ARHGAP24: variants seen among roughly 807,000 people sequenced by gnomAD.
The protein encoded by ARHGAP24 is rho GTPase-activating protein 24.
Under a neutral mutation model 76.4 loss-of-function variants are expected in ARHGAP24, and 50 were observed. The ratio of observed to expected loss-of-function variants is 0.65; its 90% CI spans 0.52 to 0.83. ARHGAP24 has a LOEUF of 0.83. ARHGAP24 is among the 40% of genes least tolerant of loss of function. ARHGAP24 has a pLI of 0.00. For synonymous variants in ARHGAP24, 345 were observed against 323.3 expected, an observed-to-expected ratio of 1.07 and a Z score of -0.72; for missense variants, 930 against 914.2, an observed-to-expected ratio of 1.02 and a Z score of -0.22.
intron 1 of ARHGAP24, among the ~76,000 whole-genome samples, chr4:85,551,534 A>G (rs1477133309): frequency 2.0e-5 from 3 of 152,188 alleles, no homozygotes; most frequent in African/African-American, 7.2e-5. Flanking sequence ...TGGTATCAGA[A>G]TGATGCTGGC....
intron 3 of ARHGAP24, among the ~76,000 whole-genome samples, chr4:85,884,737 A>T (rs1307059831): frequency 6.6e-6 from 1 of 152,004 alleles, no homozygotes; most frequent in East Asian, 1.9e-4. Flanking sequence ...AAATTCATTG[A>T]TTTTTTTTCT....
At chr4:85,728,496 A>T (rs1340108103) in intron 3 of ARHGAP24, among the ~76,000 whole-genome samples, 2 of 152,294 alleles carry the variant, frequency 1.3e-5, no homozygotes, top group African/African-American at 4.8e-5. Flanking sequence ...ATTATCTGTT[A>T]TACCAATCAG....
At chr4:85,516,176 T>A (rs982258777) in intron 1 of ARHGAP24, among the ~76,000 whole-genome samples, 1 of 152,184 alleles carries the variant, frequency 6.6e-6, no homozygotes, top group African/African-American at 2.4e-5. Context: ...CCAGTCTAAG[T>A]GAGTGTGGGT....
chr4:85,995,212 G>A lies in ARHGAP24; in HGVS notation c.1558G>A (p.Ala520Thr). 1.9e-6 allele frequency: 3 copies of A among 1,613,852 alleles called. No individual in the cohort carries two copies. The East Asian group carries it at 6.7e-5, about 36-fold the overall frequency. The change falls in exon 9 of 10, where the codon GCT (alanine) becomes ACT (threonine). Residue 520 changes from alanine to threonine, a missense_variant. Ala to Thr is a moderately conservative substitution (Grantham distance 58). Coordinates refer to ENST00000395184, the MANE Select transcript of ARHGAP24 (RefSeq NM_001025616.3). Reference sequence around the variant, plus strand: ...GAGGGATAACAAGCAGAAAGAACAAGCTGGAGAGTTAGGCCAGCACAACAG... The same window carrying A: ...GAGGGATAACAAGCAGAAAGAACAAACTGGAGAGTTAGGCCAGCACAACAG... ...TLRDNKQKEQ[A>T]GELGQHNRLS...
intron 3 of ARHGAP24, among the ~76,000 whole-genome samples, chr4:85,889,639 T>C (rs888104085): frequency 1.3e-5 from 2 of 152,214 alleles, no homozygotes; most frequent in Admixed American, 6.5e-5. Context: ...TGTTTACTAA[T>C]GTGTACAGAG....
chr4:86,000,366 A>C, intron 9 of ARHGAP24, 113 bp from the exon 10 acceptor site: 4 of 818,972 alleles, frequency 4.9e-6, no homozygotes, highest in Admixed American at 2.1e-5. Context: ...TTTCCTAAGC[A>C]TCATAAAGAG....
chr4:85,655,818 A>AGAGACAGAGAG (rs1237643654), intron 2 of ARHGAP24, among the ~76,000 whole-genome samples: 1 of 35,506 alleles, frequency 2.8e-5, no homozygotes, highest in Non-Finnish European at 5.1e-5. Flanking sequence ...GAGAGAGAGA[A>AGAGACAGAGAG]AGAGAGAGAG....
chr4:85,784,128 A>G (rs868246076), intron 3 of ARHGAP24, among the ~76,000 whole-genome samples: 27 of 152,142 alleles, frequency 1.8e-4, no homozygotes, highest in Admixed American at 7.2e-4. Flanking sequence ...GTTGCTCATG[A>G]TGGCTGAATT....
Position 85,655,818 on chromosome 4 carries a change from A to AGAAAGAGAGAG in ARHGAP24, c.181-66067_181-66066insGAAAGAGAGAG, listed in dbSNP as rs1237643654. On this transcript the variant is annotated intron_variant, in intron 2 of 9. Coordinates refer to ENST00000395184, the MANE Select transcript of ARHGAP24 (RefSeq NM_001025616.3). ...AGAGAGAGAGAGAGAGAGAGAGAGA[A>AGAAAGAGAGAG]AGAGAGAGAGAGAGAGAGAGAGAGA... Among the ~76,000 whole-genome samples the AGAAAGAGAGAG allele has an allele frequency of 6.5e-4, 23 of 35,466 alleles. 1 individual carries two copies. Among genetic ancestry groups the AGAAAGAGAGAG allele is most frequent in the African/African-American group, 2.4e-3 (16 of 6,664 alleles). The allele number at this position is 35,466 out of a possible 152,430, so 23.3% of individuals were successfully genotyped here.
intron 5 of ARHGAP24, among the ~76,000 whole-genome samples, chr4:85,948,059 T>C (rs1460879546): frequency 6.6e-6 from 1 of 152,174 alleles, no homozygotes; most frequent in Non-Finnish European, 1.5e-5. Flanking sequence ...ACTGCAAATA[T>C]ACTTTTTGCT....
intron 2 of ARHGAP24, among the ~76,000 whole-genome samples, chr4:85,637,853 G>A (rs1443882008): frequency 6.6e-6 from 1 of 151,782 alleles, no homozygotes. Flanking sequence ...ACATATTTGA[G>A]GTTTTTCTTT....
intron 1 of ARHGAP24, among the ~76,000 whole-genome samples, chr4:85,563,748 G>A (rs1726691096): frequency 6.6e-6 from 1 of 152,116 alleles, no homozygotes; most frequent in African/African-American, 2.4e-5. Flanking sequence ...AGATGGAGTT[G>A]GAAAATGGAC....
chr4:85,887,041 G>A (rs1385377285), intron 3 of ARHGAP24, among the ~76,000 whole-genome samples: 6 of 151,998 alleles, frequency 3.9e-5, no homozygotes, highest in Admixed American at 1.3e-4. Context: ...AAATAGTTAC[G>A]ATATGGCAAA....
intron 2 of ARHGAP24, among the ~76,000 whole-genome samples, chr4:85,593,833 C>T (rs1046577037): frequency 3.3e-5 from 5 of 152,096 alleles, no homozygotes; most frequent in African/African-American, 1.2e-4. Context: ...TATGCCAGTA[C>T]TATGCTCTCT....
chr4:85,508,620 T>G (rs566706411), intron 1 of ARHGAP24, among the ~76,000 whole-genome samples: 4 of 152,312 alleles, frequency 2.6e-5, no homozygotes, highest in Non-Finnish European at 5.9e-5. Context: ...TTCCCTTTCA[T>G]TCCCGTGCTA....
intron 3 of ARHGAP24, among the ~76,000 whole-genome samples, chr4:85,914,853 G>A (rs1578382195): frequency 6.6e-6 from 1 of 152,128 alleles, no homozygotes; most frequent in East Asian, 1.9e-4. Flanking sequence ...GCTTTCTCTT[G>A]TAATTCTAGT....
intron 2 of ARHGAP24, among the ~76,000 whole-genome samples, chr4:85,682,055 T>A (rs891551420): frequency 1.3e-5 from 2 of 152,148 alleles, no homozygotes; most frequent in African/African-American, 4.8e-5. Flanking sequence ...ATAATTTAAA[T>A]CAGTCCATCT....
chr4:85,655,243 T>C (rs968862108), intron 2 of ARHGAP24, among the ~76,000 whole-genome samples: 4 of 152,156 alleles, frequency 2.6e-5, no homozygotes, highest in African/African-American at 2.4e-5. Context: ...AATTACATAA[T>C]TGTTTTCCAT....
rs149049984 is a variant in ARHGAP24 at position 85,521,041 on chromosome 4, G to A, written c.-21+45482G>A. Among the ~76,000 whole-genome samples the A allele has an allele frequency of 3.9e-3, 592 of 152,202 alleles. 3 individuals are homozygous for A. The highest frequency in any genetic ancestry group is 0.013 in the African/African-American group (554 of 41,540). ...CATCAGGGATTCAACTAAACTTTTC[G>A]GGCAGGGCAGTGACACGGATCAGAG... On this transcript the variant is annotated intron_variant, in intron 1 of 9. Transcript: ENST00000395184.
Sources: allele counts gnomAD v4.1 joint callset (sites outside exome capture counted in the v4.1 genomes callset), GRCh38; gene constraint gnomAD v4.1.1; transcripts MANE v1.5; gene names NCBI Gene and HGNC (gene_info 2026-07-23, HGNC 2026-07-21).